GPC3: variants seen among roughly 807,000 people sequenced by gnomAD.
GPC3 encodes glypican 3.
GPC3 carries 3 observed loss-of-function variants against 34.4 expected under a neutral mutation model. That is an observed-to-expected ratio of 0.09 (90% CI 0.04 to 0.23). The LOEUF is 0.23. GPC3 is among the 10% of genes least tolerant of loss of function. GPC3 has a pLI of 1.00. For synonymous variants in GPC3, 177 were observed against 174.0 expected (o/e 1.02, Z -0.13); for missense variants, 351 against 445.6 (o/e 0.79, Z 1.91).
intron 3 of GPC3, among the ~76,000 whole-genome samples, chrX:133,749,522 CA>C (rs1441007858): frequency 9.0e-6 from 1 of 111,111 alleles, no homozygotes; most frequent in African/African-American, 3.3e-5. Context: ...AAAGCACCAA[CA>C]AGCCACACTT....
At chrX:133,637,243 G>A (rs753557900) in intron 6 of GPC3, among the ~76,000 whole-genome samples, 5 of 110,518 alleles carry the variant, frequency 4.5e-5, no homozygotes, top group East Asian at 2.9e-4. Context: ...TGAGGCAGGC[G>A]GATCACTTCA....
At chrX:133,541,531 T>A (rs1240280244) in intron 7 of GPC3, among the ~76,000 whole-genome samples, 4 of 112,411 alleles carry the variant, frequency 3.6e-5, no homozygotes, top group Non-Finnish European at 5.6e-5. Context: ...TGTTTCTATT[T>A]GTAATCAGTT....
At chrX:133,702,545 A>G (rs7065446) in intron 3 of GPC3, among the ~76,000 whole-genome samples, 5,939 of 111,237 alleles carry the variant, frequency 0.053, 420 homozygotes, top group African/African-American at 0.18. Flanking sequence ...CTTTGTATCA[A>G]TGAATACTAA....
intron 2 of GPC3, among the ~76,000 whole-genome samples, chrX:133,939,718 T>G (rs2076336748): frequency 8.9e-6 from 1 of 112,158 alleles, no homozygotes; most frequent in Non-Finnish European, 1.9e-5. Context: ...TTTAAATCAT[T>G]TTCATAATTC....
At chrX:133,598,397 T>A (rs908335858) in intron 6 of GPC3, among the ~76,000 whole-genome samples, 3 of 110,896 alleles carry the variant, frequency 2.7e-5, no homozygotes, top group African/African-American at 9.8e-5. Context: ...CATTTTTGAA[T>A]GACAAACATA....
At chrX:133,848,571 T>G (rs2075857116) in intron 2 of GPC3, among the ~76,000 whole-genome samples, 1 of 112,249 alleles carries the variant, frequency 8.9e-6, no homozygotes, top group Non-Finnish European at 1.9e-5. Context: ...CAATTGGAAA[T>G]AGACAACAAA....
intron 7 of GPC3, among the ~76,000 whole-genome samples, chrX:133,543,823 C>A (rs934017925): frequency 8.9e-6 from 1 of 112,228 alleles, no homozygotes; most frequent in African/African-American, 3.2e-5. Context: ...TGCAAGCTCA[C>A]TGAAGTCATC....
intron 2 of GPC3, among the ~76,000 whole-genome samples, chrX:133,849,299 C>T (rs1178191903): frequency 1.8e-5 from 2 of 109,647 alleles, no homozygotes; most frequent in Non-Finnish European, 1.9e-5. Flanking sequence ...CGTATTCTCA[C>T]CTAATTATAA....
At position 133,696,979 on chromosome X, in the gene GPC3, A is replaced by T. The variant is rs1258008343; in HGVS notation, c.1166+2916T>A. On this transcript the variant is annotated intron_variant, in intron 4 of 7. Coordinates refer to ENST00000370818, the MANE Select transcript of GPC3 (RefSeq NM_004484.4). Reference sequence around the variant, plus strand: ...CTTTGCACGCATGAGCCATTTTCAAATATGGCAGCTGGGTGCACGTGATCA... The same window carrying T: ...CTTTGCACGCATGAGCCATTTTCAATTATGGCAGCTGGGTGCACGTGATCA... Among the ~76,000 whole-genome samples the T allele has an allele frequency of 5.3e-5, 6 of 112,291 alleles. No homozygotes were observed. In the East Asian group the frequency reaches 1.7e-3, roughly 32 times the overall value.
At chrX:133,650,465 A>C (rs973018758) in intron 6 of GPC3, among the ~76,000 whole-genome samples, 1 of 108,984 alleles carries the variant, frequency 9.2e-6, no homozygotes, top group Non-Finnish European at 1.9e-5. Flanking sequence ...ACCCACACAC[A>C]CACACACACA....
intron 2 of GPC3, among the ~76,000 whole-genome samples, chrX:133,844,220 G>A (rs1291209149): frequency 8.9e-6 from 1 of 112,173 alleles, no homozygotes; most frequent in South Asian, 3.7e-4. Context: ...CTAATGTACA[G>A]AATGGAAACT....
At chrX:133,742,689 C>T (rs2071574540) in intron 3 of GPC3, among the ~76,000 whole-genome samples, 1 of 111,938 alleles carries the variant, frequency 8.9e-6, no homozygotes, top group East Asian at 2.8e-4. Flanking sequence ...ATTTGTACTG[C>T]ATATCTTTGA....
chrX:133,762,433 TAC>T (rs1190461703), intron 2 of GPC3, among the ~76,000 whole-genome samples: 8 of 112,073 alleles, frequency 7.1e-5, no homozygotes, highest in Non-Finnish European at 1.3e-4. Flanking sequence ...ACAGACAACC[TAC>T]AGAGTAGGAG....
At chrX:133,839,841 T>G (rs1319232533) in intron 2 of GPC3, among the ~76,000 whole-genome samples, 7 of 100,167 alleles carry the variant, frequency 7.0e-5, no homozygotes, top group African/African-American at 2.7e-4. Context: ...GGCAGGAGAA[T>G]GGCGTGAACC....
intron 7 of GPC3, among the ~76,000 whole-genome samples, chrX:133,570,078 A>G (rs1328644589): frequency 9.0e-6 from 1 of 110,558 alleles, no homozygotes; most frequent in Admixed American, 9.6e-5. Flanking sequence ...TTTTTAGTAG[A>G]GACGGGGTTT....
intron 2 of GPC3, among the ~76,000 whole-genome samples, chrX:133,786,974 C>T (rs1276097117): frequency 2.7e-5 from 3 of 111,652 alleles, no homozygotes; most frequent in Non-Finnish European, 5.6e-5. Context: ...TGAACAAAAA[C>T]AAGGAAATTA....
At chrX:133,921,403 C>T (rs2076247192) in intron 2 of GPC3, among the ~76,000 whole-genome samples, 1 of 112,071 alleles carries the variant, frequency 8.9e-6, no homozygotes, top group African/African-American at 3.2e-5. Context: ...TGGGGAGCTA[C>T]AATCAGTAAC....
In GPC3 at chrX:133,958,793, C is replaced by T. The variant is rs763011030; in HGVS notation, c.176-5582G>A. Among the ~76,000 whole-genome samples the T allele has an allele frequency of 1.6e-3, 166 of 101,238 alleles. 1 individual carries two copies. The highest frequency in any genetic ancestry group is 5.5e-3 in the African/African-American group (150 of 27,325). 87.9% of individuals were successfully genotyped at this position (101,238 alleles called of 115,157 possible). On this transcript the variant is annotated intron_variant, in intron 1 of 7. Coordinates refer to ENST00000370818, the MANE Select transcript of GPC3 (RefSeq NM_004484.4). Reference sequence around the variant, plus strand: ...CCCAGCTACTCCGGAGGTTGAGGCACGAGAATCGCTTGAACCCAGGAGGCG... The same window carrying T: ...CCCAGCTACTCCGGAGGTTGAGGCATGAGAATCGCTTGAACCCAGGAGGCG...
chrX:133,885,954 G>GA (rs2124585989), intron 2 of GPC3, among the ~76,000 whole-genome samples: 1 of 111,174 alleles, frequency 9.0e-6, no homozygotes, highest in South Asian at 3.8e-4. Context: ...CTGAAGAGAA[G>GA]AAAAAAGAAC....
Sources: allele counts gnomAD v4.1 joint callset (sites outside exome capture counted in the v4.1 genomes callset), GRCh38; gene constraint gnomAD v4.1.1; transcripts MANE v1.5; gene names NCBI Gene and HGNC (gene_info 2026-07-23, HGNC 2026-07-21).